Variants in SIRT4 observed in about 807,000 individuals in gnomAD.
The protein encoded by SIRT4 is sirtuin 4, also known as NAD-dependent protein lipoamidase sirtuin-4, mitochondrial.
Under a neutral mutation model 26.1 loss-of-function variants are expected in SIRT4, and 23 were observed. The observed-to-expected ratio is 0.88, with a 90% CI of 0.63 to 1.25. The LOEUF (loss-of-function observed/expected upper bound fraction) is 1.25, where lower values mean the gene tolerates loss of function less well. SIRT4 is among the 50% of genes most tolerant of loss of function. The pLI, the probability that SIRT4 is intolerant of heterozygous loss-of-function variation, is 0.00. For synonymous variants in SIRT4, 155 were observed against 158.4 expected (o/e 0.98, Z 0.16); for missense variants, 361 against 405.4 (o/e 0.89, Z 0.94).
chr12:120,298,908 A>AAAATAAATAAATAAAT (rs34954726), upstream of SIRT4, among the ~76,000 whole-genome samples: 210 of 127,532 alleles, frequency 1.6e-3, no homozygotes, highest in Middle Eastern at 8.5e-3. Flanking sequence ...TCCGTCTCAA[A>AAAATAAATAAATAAAT]AAATAAATAA....
At chr12:120,310,878 G>A (rs1872933992) in intron 2 of SIRT4, among the ~76,000 whole-genome samples, 1 of 151,294 alleles carries the variant, frequency 6.6e-6, no homozygotes, top group Admixed American at 6.6e-5. Context: ...TGGGACTACA[G>A]GCGCCCGCCA....
Position 120,303,933 on chromosome 12 carries a change from A to T in SIRT4, c.372A>T (p.Ala124=), listed in dbSNP as rs1345472902. 6.2e-7 allele frequency: 1 copy of T among 1,614,168 alleles called. No individual in the cohort carries two copies. Among genetic ancestry groups the T allele is most frequent in the Non-Finnish European group, 8.5e-7 (1 of 1,180,030 alleles). ...TCTCCTCCCACCAGCCTAACCCTGC[A>T]CACTGGGCTTTGAGCACCTGGGAGA... ...PQFSSHQPNP[A]HWALSTWEKL... is the part of the protein sequence containing the mutation. The change falls in exon 2 of 4, where the codon GCA becomes GCT. Residue 124 remains alanine (A), a synonymous_variant. Coordinates refer to ENST00000202967, the MANE Select transcript of SIRT4 (RefSeq NM_012240.3).
chr12:120,292,053 T>C, the SIRT4 span: 1 of 152,220 alleles, frequency 6.6e-6, no homozygotes, highest in African/African-American at 2.4e-5. Context: ...TTCTTGTTGT[T>C]GGAACATCCC....
intron 2 of SIRT4, among the ~76,000 whole-genome samples, chr12:120,304,523 G>A (rs938649481): frequency 1.1e-4 from 16 of 151,688 alleles, no homozygotes; most frequent in Non-Finnish European, 1.9e-4. Flanking sequence ...GGTGGCACAT[G>A]CCTGTAATCC....
At chr12:120,293,820 C>T in the SIRT4 span, among the ~76,000 whole-genome samples, 1 of 145,314 alleles carries the variant, frequency 6.9e-6, no homozygotes, top group Non-Finnish European at 1.5e-5. Flanking sequence ...AACCTCTTTT[C>T]TACTTTCTAT....
intron 2 of SIRT4, among the ~76,000 whole-genome samples, chr12:120,310,925 T>C (rs1304401927): frequency 9.4e-5 from 14 of 149,204 alleles, no homozygotes; most frequent in African/African-American, 3.4e-4. Flanking sequence ...TTAGTAGAGA[T>C]GGGGTTTCAC....
upstream of SIRT4, among the ~76,000 whole-genome samples, chr12:120,298,511 G>C (rs1438137179): frequency 6.6e-6 from 1 of 151,994 alleles, no homozygotes; most frequent in Non-Finnish European, 1.5e-5. Flanking sequence ...AGGATGGTTT[G>C]AGTCCAAGAG....
upstream of SIRT4, among the ~76,000 whole-genome samples, chr12:120,300,020 C>T (rs1872487351): frequency 6.6e-6 from 1 of 152,136 alleles, no homozygotes. Context: ...CATGGTGGCT[C>T]ACACCTGTAA....
chr12:120,292,211 G>A, the SIRT4 span, among the ~76,000 whole-genome samples: 2 of 152,210 alleles, frequency 1.3e-5, no homozygotes, highest in African/African-American at 2.4e-5. Flanking sequence ...AGCGAGCCTG[G>A]AGGGCGCAGA....
chr12:120,292,852 A>G, the SIRT4 span, among the ~76,000 whole-genome samples: 2 of 152,208 alleles, frequency 1.3e-5, no homozygotes, highest in Admixed American at 6.6e-5. Context: ...CCAACTGGCA[A>G]GAAAAGTCAA....
chr12:120,294,552 C>T, the SIRT4 span, among the ~76,000 whole-genome samples: 1 of 151,690 alleles, frequency 6.6e-6, no homozygotes, highest in Non-Finnish European at 1.5e-5. Context: ...CCACCGCGCC[C>T]GGTCCCATTC....
chr12:120,301,319 T>G (rs971701503), upstream of SIRT4, among the ~76,000 whole-genome samples: 1 of 152,136 alleles, frequency 6.6e-6, no homozygotes, highest in Admixed American at 6.6e-5. Context: ...CACTCCAGCC[T>G]GGGCAACAGA....
In SIRT4 at chr12:120,313,191, G is replaced by T. The variant is rs893431282; in HGVS notation, c.*155G>T. ...AAGGTTCTAGGTATCTTAATGTGTG[G>T]ATATTCTTAATTAAAACTCATTTTT... On this transcript the variant is annotated 3_prime_UTR_variant, in exon 4 of 4. Transcript: ENST00000202967. The T allele has an allele frequency of 1.3e-6, 1 of 760,958 alleles. No individual in the cohort carries two copies. 47.1% of individuals were successfully genotyped at this position (760,958 alleles called of 1,614,324 possible). A position where few individuals can be genotyped will look rare whatever the true frequency, so the allele number is the denominator to read the frequency against.
At chr12:120,293,721 C>CT in the SIRT4 span, among the ~76,000 whole-genome samples, 1 of 152,072 alleles carries the variant, frequency 6.6e-6, no homozygotes, top group East Asian at 1.9e-4. Context: ...ACCTCCAGAA[C>CT]TTTATCTTTC....
the SIRT4 span, among the ~76,000 whole-genome samples, chr12:120,295,112 C>T: frequency 2.0e-5 from 3 of 150,650 alleles, no homozygotes; most frequent in Non-Finnish European, 3.0e-5. Flanking sequence ...CCACGGCGCC[C>T]GGCCTATCCA....
chr12:120,303,019 G>A (rs1872602504), intron 1 of SIRT4, among the ~76,000 whole-genome samples: 1 of 151,560 alleles, frequency 6.6e-6, no homozygotes, highest in African/African-American at 2.4e-5. Flanking sequence ...CACCGCACCC[G>A]GCCCTCTATT....
In SIRT4 at chr12:120,313,018, T is replaced by A; in HGVS notation, c.927T>A (p.Pro309=). The A allele has an allele frequency of 2.5e-6, 4 of 1,614,152 alleles. No homozygotes were observed. The highest frequency in any genetic ancestry group is 3.4e-6 in the Non-Finnish European group (4 of 1,180,036). Residue 309 remains proline (P), a synonymous_variant, in exon 4 of 4, where the codon CCT becomes CCA. Coordinates refer to ENST00000202967, the MANE Select transcript of SIRT4 (RefSeq NM_012240.3). ...KLNSRCGELL[P]LIDPC is the part of the protein sequence containing the mutation. Reference sequence around the variant, plus strand: ...ATTCTCGTTGTGGAGAGTTGCTGCCTTTGATAGACCCATGCTGACCACAGC... The same window carrying A: ...ATTCTCGTTGTGGAGAGTTGCTGCCATTGATAGACCCATGCTGACCACAGC...
Position 120,303,902 on chromosome 12 carries a change from C to T in SIRT4, c.341C>T (p.Pro114Leu). The T allele has an allele frequency of 6.2e-7, 1 of 1,614,194 alleles. No individual in the cohort carries two copies. Among genetic ancestry groups the T allele is most frequent in the Admixed American group, 1.7e-5 (1 of 60,004 alleles). The change falls in exon 2 of 4, where the codon CCT (proline) becomes CTT (leucine). Residue 114 changes from proline to leucine, a missense_variant. Physicochemically the swap from Pro to Leu is moderately conservative, Grantham distance 98. Coordinates refer to ENST00000202967, the MANE Select transcript of SIRT4 (RefSeq NM_012240.3). ...TGGGCGAGAAACTTCGTAGGCTGGC[C>T]TCAATTCTCCTCCCACCAGCCTAAC... The part of the protein sequence containing the change: ...RYWARNFVGW[P>L]QFSSHQPNPA...
chr12:120,298,980 AC>A (rs1266593065), upstream of SIRT4, among the ~76,000 whole-genome samples: 3 of 149,740 alleles, frequency 2.0e-5, no homozygotes, highest in Non-Finnish European at 4.4e-5. Context: ...TAATCCCAGT[AC>A]TTTGGGAGGC....
Sources: gnomAD v4.1 joint callset for allele counts (sites outside exome capture counted in the v4.1 genomes callset) on GRCh38, gnomAD v4.1.1 for gene constraint, MANE v1.5 for transcripts, NCBI Gene and HGNC (gene_info 2026-07-23, HGNC 2026-07-21) for gene names.